The following NR3C2 variants were observed in gnomAD, a reference collection of about 807,000 sequenced individuals.
The protein encoded by NR3C2 is mineralocorticoid receptor.
A neutral mutation model predicts 86.4 loss-of-function variants in NR3C2; 15 were observed. That is an observed-to-expected ratio of 0.17 (90% CI 0.12 to 0.27). NR3C2 has a LOEUF of 0.27. NR3C2 is among the 10% of genes least tolerant of loss of function. The pLI, the probability that NR3C2 is intolerant of heterozygous loss-of-function variation, is 1.00. For missense variants in NR3C2, 960 were observed against 1,195.6 expected (o/e 0.80, Z 2.91); for synonymous variants, 458 against 450.5 (o/e 1.02, Z -0.21).
chr4:148,212,999 A>G lies in NR3C2; in HGVS notation c.1898-18137T>C, dbSNP rs548445597. On this transcript the variant is annotated intron_variant, in intron 3 of 8. Transcript: ENST00000358102. ...AACTGTTAAGAGATCACAGAGGAAG[A>G]AGAAATTAATGAGGGAAGGAGAGGA... 2.0e-5 allele frequency among the ~76,000 whole-genome samples: 3 copies of G among 152,326 alleles called. No individual in the cohort carries two copies. In the East Asian group the frequency reaches 5.8e-4, roughly 29 times the overall value.
intron 2 of NR3C2, among the ~76,000 whole-genome samples, chr4:148,349,121 G>A (rs1281310610): frequency 1.3e-5 from 2 of 152,084 alleles, no homozygotes; most frequent in African/African-American, 2.4e-5. Context: ...TTTCATAGCA[G>A]TGGCAACAAC....
chr4:148,406,433 C>T (rs1165254197), intron 2 of NR3C2, among the ~76,000 whole-genome samples: 4 of 152,036 alleles, frequency 2.6e-5, no homozygotes, highest in African/African-American at 7.2e-5. Flanking sequence ...AGGACGCAGA[C>T]GTGAGCAAGG....
intron 2 of NR3C2, among the ~76,000 whole-genome samples, chr4:148,366,588 A>C (rs1475137915): frequency 6.6e-6 from 1 of 151,996 alleles, no homozygotes; most frequent in Non-Finnish European, 1.5e-5. Context: ...ACAAAGTCTA[A>C]ATTGATAAAT....
chr4:148,159,298 A>C (rs1162110239), intron 4 of NR3C2, among the ~76,000 whole-genome samples: 1 of 152,232 alleles, frequency 6.6e-6, no homozygotes, highest in Non-Finnish European at 1.5e-5. Flanking sequence ...TCCCTGTGGG[A>C]AATGTGGGCA....
At chr4:148,183,556 A>G (rs1735742945) in intron 4 of NR3C2, among the ~76,000 whole-genome samples, 1 of 152,130 alleles carries the variant, frequency 6.6e-6, no homozygotes, top group Non-Finnish European at 1.5e-5. Flanking sequence ...TTTGATTTGC[A>G]TTTCTCTGAT....
intron 6 of NR3C2, among the ~76,000 whole-genome samples, chr4:148,145,082 A>C (rs1289749048): frequency 6.6e-6 from 1 of 152,184 alleles, no homozygotes; most frequent in Non-Finnish European, 1.5e-5. Flanking sequence ...GTGCCAGGGA[A>C]AGGCAGTCTC....
intron 2 of NR3C2, among the ~76,000 whole-genome samples, chr4:148,317,355 CA>C (rs59556447): frequency 0.26 from 28,546 of 108,620 alleles, 3,432 homozygotes; most frequent in African/African-American, 0.42. Context: ...AACTCTGTCT[CA>C]AAAAAAAAAA....
chr4:148,123,353 T>C (rs1159830643), intron 6 of NR3C2, among the ~76,000 whole-genome samples: 2 of 152,244 alleles, frequency 1.3e-5, no homozygotes, highest in Non-Finnish European at 2.9e-5. Context: ...CTTTTGCCCT[T>C]TGCCTTGTGA....
intron 8 of NR3C2, among the ~76,000 whole-genome samples, chr4:148,097,707 T>C (rs1731344765): frequency 6.7e-6 from 1 of 149,766 alleles, no homozygotes; most frequent in Admixed American, 6.7e-5. Context: ...CACAAATTCA[T>C]AAACTTTCTT....
At chr4:148,316,965 C>A (rs1001876367) in intron 2 of NR3C2, among the ~76,000 whole-genome samples, 1 of 152,004 alleles carries the variant, frequency 6.6e-6, no homozygotes, top group African/African-American at 2.4e-5. Flanking sequence ...CCATTTCCAG[C>A]TAATTTTTGT....
chr4:148,177,546 AT>A (rs1465524207), intron 4 of NR3C2, among the ~76,000 whole-genome samples: 1 of 152,252 alleles, frequency 6.6e-6, no homozygotes, highest in Non-Finnish European at 1.5e-5. Flanking sequence ...TAATCAGATC[AT>A]TAGCCACTAG....
At chr4:148,442,869 T>A (rs1305648673), upstream of NR3C2, 2 of 985,278 alleles carry the variant, frequency 2.0e-6, no homozygotes, top group African/African-American at 3.5e-5. Context: ...CCAGGATATC[T>A]GGAGAGATGT....
At position 148,404,802 on chromosome 4, in the gene NR3C2, C is replaced by A. The variant is rs72658627; in HGVS notation, c.1757+30302G>T. ...CTATGTAATGTTTTTAATTTACATT[C>A]ACAATTTATTTGTAATATTTGCCTC... is the stretch of plus-strand genomic sequence containing the variant. On this transcript the variant is annotated intron_variant, in intron 2 of 8. Transcript: ENST00000358102. Among the ~76,000 whole-genome samples, 366 of 152,238 alleles carry A rather than the reference C, an allele frequency of 2.4e-3. 2 individuals carry two copies. Among genetic ancestry groups the A allele is most frequent in the South Asian group, 0.016 (79 of 4,826 alleles).
At chr4:148,092,993 A>G (rs1447002537) in intron 8 of NR3C2, among the ~76,000 whole-genome samples, 1 of 152,248 alleles carries the variant, frequency 6.6e-6, no homozygotes, top group Non-Finnish European at 1.5e-5. Context: ...TGGAGAGGCA[A>G]GAACCCTAAT....
At chr4:148,187,571 T>C (rs369843348) in intron 4 of NR3C2, among the ~76,000 whole-genome samples, 1 of 147,126 alleles carries the variant, frequency 6.8e-6, no homozygotes, top group African/African-American at 2.5e-5. Flanking sequence ...ACTGATTTGT[T>C]TGAGTTCATT....
At chr4:148,082,903 G>A (rs940844370) in intron 8 of NR3C2, among the ~76,000 whole-genome samples, 1 of 152,052 alleles carries the variant, frequency 6.6e-6, no homozygotes, top group Non-Finnish European at 1.5e-5. Flanking sequence ...AGGAGCATCC[G>A]CCATTACTGA....
At chr4:148,142,138 AAAT>A (rs902073711) in intron 6 of NR3C2, among the ~76,000 whole-genome samples, 5 of 152,216 alleles carry the variant, frequency 3.3e-5, no homozygotes, top group Admixed American at 3.3e-4. Flanking sequence ...AAGCAGCAGG[AAAT>A]AATGCTGAAA....
chr4:148,250,907 A>T (rs1439859679), intron 3 of NR3C2, among the ~76,000 whole-genome samples: 2 of 152,076 alleles, frequency 1.3e-5, no homozygotes, highest in East Asian at 3.9e-4. Context: ...CTGCTCAAGC[A>T]GGTGTCCTCA....
chr4:148,383,674 C>A (rs77635559), intron 2 of NR3C2, among the ~76,000 whole-genome samples: 5 of 151,994 alleles, frequency 3.3e-5, no homozygotes, highest in African/African-American at 1.2e-4. Flanking sequence ...ACCTTTTGGA[C>A]GGGCGCAGTG....
Sources: allele counts gnomAD v4.1 joint callset (sites outside exome capture counted in the v4.1 genomes callset), GRCh38; gene constraint gnomAD v4.1.1; transcripts MANE v1.5; gene names NCBI Gene and HGNC (gene_info 2026-07-23, HGNC 2026-07-21).